Variants in ZNF385D observed in about 807,000 individuals in gnomAD.
ZNF385D encodes zinc finger protein 659.
In ZNF385D, 15 loss-of-function variants were observed where a neutral mutation model predicts 35.8. The observed-to-expected ratio is 0.42, with a 90% CI of 0.28 to 0.64. The LOEUF (loss-of-function observed/expected upper bound fraction) is 0.64. Among genes scored for constraint, ZNF385D ranks in the 30% least tolerant of loss-of-function variants. The pLI, the probability that ZNF385D is intolerant of heterozygous loss-of-function variation, is 0.23. For synonymous variants in ZNF385D, 212 were observed against 186.8 expected (o/e 1.13, Z -1.10); for missense variants, 474 against 494.6 (o/e 0.96, Z 0.39).
chr3:21,989,108 C>G (rs895647424), intron 3 of ZNF385D, among the ~76,000 whole-genome samples: 4 of 152,128 alleles, frequency 2.6e-5, no homozygotes, highest in Non-Finnish European at 4.4e-5. Context: ...AGAAATCACC[C>G]GTCTTCTGCG....
At chr3:21,726,445 A>G (rs2068769567) in intron 1 of ZNF385D, among the ~76,000 whole-genome samples, 1 of 152,182 alleles carries the variant, frequency 6.6e-6, no homozygotes, top group Admixed American at 6.5e-5. Flanking sequence ...TCTCAGCCCA[A>G]AATCTCCTTA....
chr3:21,555,539 G>A (rs1052479802), intron 3 of ZNF385D, among the ~76,000 whole-genome samples: 1 of 144,418 alleles, frequency 6.9e-6, no homozygotes, highest in Admixed American at 6.8e-5. Flanking sequence ...CAAAGGACAT[G>A]AATTCATCCT....
intron 3 of ZNF385D, among the ~76,000 whole-genome samples, chr3:22,145,845 G>A (rs1304868202): frequency 6.6e-6 from 1 of 152,122 alleles, no homozygotes; most frequent in African/African-American, 2.4e-5. Flanking sequence ...GATCACTCTG[G>A]CCACTAATCC....
At chr3:22,167,369 G>A (rs1345360389) in intron 3 of ZNF385D, among the ~76,000 whole-genome samples, 2 of 152,180 alleles carry the variant, frequency 1.3e-5, no homozygotes, top group Non-Finnish European at 2.9e-5. Flanking sequence ...CCTAGACTCA[G>A]CCATACTGGG....
Position 21,419,391 on chromosome 3 carries a change from G to A in ZNF385D, c.*1823C>T, listed in dbSNP as rs1700645828. The A allele has an allele frequency of 6.6e-6, 1 of 152,040 alleles. No individual in the cohort carries two copies. The highest frequency in any genetic ancestry group is 2.4e-5 in the African/African-American group (1 of 41,402). The allele number at this position is 152,040 out of a possible 1,614,324, so 9.4% of individuals were successfully genotyped here. ...AATGTTGAGCACCAAGCACGCTATGGTGTTTCTTAAATATAAAATGATAAA... is the reference window on the plus strand; with the variant it reads ...AATGTTGAGCACCAAGCACGCTATGATGTTTCTTAAATATAAAATGATAAA... On this transcript the variant is annotated 3_prime_UTR_variant, in exon 8 of 8. Transcript: ENST00000281523.
intron 2 of ZNF385D, among the ~76,000 whole-genome samples, chr3:22,318,353 G>A (rs908615536): frequency 6.6e-6 from 1 of 152,068 alleles, no homozygotes; most frequent in Non-Finnish European, 1.5e-5. Context: ...GATGTGGAAA[G>A]GAAAACCATG....
At chr3:21,998,296 C>T (rs1269827379) in intron 3 of ZNF385D, among the ~76,000 whole-genome samples, 3 of 152,156 alleles carry the variant, frequency 2.0e-5, no homozygotes, top group African/African-American at 7.2e-5. Context: ...AGCCATTTTG[C>T]TGTGCACCGG....
chr3:22,230,225 A>C (rs1213014693), intron 2 of ZNF385D, among the ~76,000 whole-genome samples: 1 of 152,186 alleles, frequency 6.6e-6, no homozygotes, highest in Non-Finnish European at 1.5e-5. Flanking sequence ...TAAAAATTAG[A>C]AAACCAACAG....
At chr3:22,049,211 G>A (rs1036719148) in intron 3 of ZNF385D, among the ~76,000 whole-genome samples, 6 of 151,856 alleles carry the variant, frequency 4.0e-5, no homozygotes, top group East Asian at 3.9e-4. Context: ...TGGGAGATTC[G>A]CTTGAACCTG....
intron 2 of ZNF385D, among the ~76,000 whole-genome samples, chr3:22,294,427 T>C (rs1212322267): frequency 6.6e-6 from 1 of 152,120 alleles, no homozygotes; most frequent in African/African-American, 2.4e-5. Flanking sequence ...CATTAATATG[T>C]TATAATAGAT....
At chr3:22,092,711 C>T (rs1467783146) in intron 3 of ZNF385D, among the ~76,000 whole-genome samples, 1 of 152,068 alleles carries the variant, frequency 6.6e-6, no homozygotes, top group Non-Finnish European at 1.5e-5. Flanking sequence ...CAAATCCCCT[C>T]TTACAGTTAA....
chr3:22,345,236 T>A (rs924054096), intron 2 of ZNF385D, among the ~76,000 whole-genome samples: 2 of 152,206 alleles, frequency 1.3e-5, no homozygotes, highest in African/African-American at 4.8e-5. Context: ...TATTTCACTG[T>A]CCAGGTAACT....
chr3:22,068,997 T>C (rs1700101985), intron 3 of ZNF385D, among the ~76,000 whole-genome samples: 1 of 152,198 alleles, frequency 6.6e-6, no homozygotes, highest in Admixed American at 6.5e-5. Flanking sequence ...CCCTCAGCTT[T>C]AACCTTGTTT....
intron 2 of ZNF385D, among the ~76,000 whole-genome samples, chr3:22,370,457 AT>A (rs1210652640): frequency 6.6e-6 from 1 of 152,176 alleles, no homozygotes; most frequent in Non-Finnish European, 1.5e-5. Flanking sequence ...TTTTTATTTT[AT>A]TTCACATCTA....
chr3:22,023,129 C>G (rs1293012464), intron 3 of ZNF385D, among the ~76,000 whole-genome samples: 1 of 152,130 alleles, frequency 6.6e-6, no homozygotes, highest in South Asian at 2.1e-4. Context: ...TTATGGAGGG[C>G]ACAGAATCAC....
At chr3:21,587,531 G>T (rs2063846864) in intron 2 of ZNF385D, among the ~76,000 whole-genome samples, 1 of 152,144 alleles carries the variant, frequency 6.6e-6, no homozygotes, top group Admixed American at 6.5e-5. Context: ...AATTTTAGAA[G>T]GATGTGTAGA....
chr3:21,620,123 C>T (rs531561648), intron 2 of ZNF385D, among the ~76,000 whole-genome samples: 4 of 152,230 alleles, frequency 2.6e-5, no homozygotes, highest in South Asian at 4.1e-4. Context: ...AACATTTGCA[C>T]GTATTTTAGC....
In ZNF385D at chr3:21,564,139, T is replaced by G. The variant is rs372347780; in HGVS notation, c.276+435A>C. The stretch of plus-strand genomic sequence containing the variant: ...TATAATTAAGGACATAGCGGTAATA[T>G]GGAATTTGAGGCCTCCATTCCAGGC... On this transcript the variant is annotated intron_variant, in intron 3 of 7. Transcript: ENST00000281523. Among the ~76,000 whole-genome samples the G allele has an allele frequency of 2.2e-4, 33 of 152,266 alleles. No homozygotes were observed. In the East Asian group the frequency reaches 6.2e-3, roughly 29 times the overall value.
chr3:21,963,823 T>C (rs1216357107), intron 3 of ZNF385D, among the ~76,000 whole-genome samples: 1 of 152,108 alleles, frequency 6.6e-6, no homozygotes, highest in Non-Finnish European at 1.5e-5. Flanking sequence ...CAACAACTTG[T>C]AAATTAAAAT....
Sources: allele counts gnomAD v4.1 joint callset (sites outside exome capture counted in the v4.1 genomes callset), GRCh38; gene constraint gnomAD v4.1.1; transcripts MANE v1.5; gene names NCBI Gene and HGNC (gene_info 2026-07-23, HGNC 2026-07-21).